Variants in NEB observed in about 807,000 individuals in gnomAD.
The protein encoded by NEB is nemaline myopathy type 2.
A neutral mutation model predicts 952.2 loss-of-function variants in NEB; 512 were observed. That is an observed-to-expected ratio of 0.54 (90% confidence interval 0.50 to 0.58). The LOEUF (loss-of-function observed/expected upper bound fraction) is 0.58. NEB is among the 20% of genes least tolerant of loss of function. The pLI, the probability that NEB is intolerant of heterozygous loss-of-function variation, is 0.00. For synonymous variants in NEB, 2,900 were observed against 3,149.8 expected (o/e 0.92, Z 2.66); for missense variants, 8,428 against 9,231.1 (o/e 0.91, Z 3.56).
chr2:151,527,453 A>G, intron 147 of NEB, 28 bp downstream of exon 147: 7 of 1,512,738 alleles, frequency 4.6e-6, no homozygotes, highest in Non-Finnish European at 6.4e-6. Context: ...GTATGCAGTT[A>G]CAATCGTCTG....
At chr2:151,594,981 T>C (rs1341280481) in intron 92 of NEB, among the ~76,000 whole-genome samples, 1 of 24,996 alleles carries the variant, frequency 4.0e-5, no homozygotes, top group African/African-American at 2.7e-4. Flanking sequence ...TTCCATCTGA[T>C]GAGTGTCTCA....
chr2:151,722,301 G>A (rs1490699546), intron 9 of NEB, among the ~76,000 whole-genome samples: 2 of 152,164 alleles, frequency 1.3e-5, no homozygotes, highest in African/African-American at 4.8e-5. Context: ...CTCAAAATAA[G>A]GGAGAGTGTT....
intron 67 of NEB, among the ~76,000 whole-genome samples, chr2:151,629,989 T>A (rs2098629832): frequency 6.6e-6 from 1 of 151,926 alleles, no homozygotes; most frequent in African/African-American, 2.4e-5. Context: ...AATCCAAACA[T>A]ACCACTAAGT....
chr2:151,499,725 G>C (rs1026584647), intron 168 of NEB, among the ~76,000 whole-genome samples: 19 of 152,186 alleles, frequency 1.2e-4, no homozygotes, highest in Non-Finnish European at 2.6e-4. Flanking sequence ...AGATTAGCAA[G>C]TATTTATTTT....
At chr2:151,670,415 G>T (rs2154188737) in intron 38 of NEB, among the ~76,000 whole-genome samples, 1 of 144,522 alleles carries the variant, frequency 6.9e-6, no homozygotes, top group Non-Finnish European at 1.5e-5. Context: ...CTGACAGAAA[G>T]AATAAGAGTC....
At position 151,503,724 on chromosome 2, in the gene NEB, T is replaced by G. The variant is rs116897114; in HGVS notation, c.23743-283A>C. 2.3e-3 allele frequency among the ~76,000 whole-genome samples: 352 copies of G among 152,268 alleles called. 9 individuals are homozygous for G. In the East Asian group the frequency reaches 0.046, roughly 20 times the overall value. ...TAAATAAATTTACCAATGAGAAAAA[T>G]CTAACCATTTTGTTGCATCTAGCTT... On this transcript the variant is annotated intron_variant, in intron 165 of 181. Transcript: ENST00000397345.
chr2:151,535,791 T>G lies in NEB; in HGVS notation c.21212A>C (p.Lys7071Thr). ...EKNKTLYSKY[K>T]YKEVFERTKS... The stretch of plus-strand genomic sequence containing the variant: ...TGTCCTTTCAAATACTTCTTTATAC[T>G]TATACTAGAAAAAACAGAACATGGT... Residue 7071 changes from lysine (K) to threonine (T), a missense_variant, in exon 142 of 182, where the codon AAG (lysine) becomes ACG (threonine). Physicochemically the swap from Lys to Thr is moderately conservative, Grantham distance 78 (BLOSUM62 -1). Transcript: ENST00000397345. 2.6e-6 allele frequency: 4 copies of G among 1,567,626 alleles called. No individual in the cohort carries two copies. Among genetic ancestry groups the G allele is most frequent in the Middle Eastern group, 1.7e-4 (1 of 5,960 alleles).
At chr2:151,540,241 A>G (rs1266421785) in intron 138 of NEB, 103 bp downstream of exon 138, 4 of 618,928 alleles carry the variant, frequency 6.5e-6, no homozygotes, top group Non-Finnish European at 1.0e-5. Context: ...TTCCTAGGCC[A>G]TGGTTTAGAA....
rs1576714550 is a variant in NEB at position 151,697,553 on chromosome 2, G to A, written c.1248C>T (p.Phe416=). Residue 416 remains phenylalanine, a synonymous_variant, in exon 14 of 182, where the codon TTC becomes TTT. Transcript: ENST00000397345. ...KFKLDTVLQN[F]SSDKKYKDSY... is the part of the protein sequence containing the mutation. ...CAGTAGGATTGCTTACATCACTACT[G>A]AAGTTCTGCAGAACAGTATCGAGCT... The A allele has an allele frequency of 6.2e-7, 1 of 1,612,132 alleles. No individual in the cohort carries two copies. Among genetic ancestry groups the A allele is most frequent in the Non-Finnish European group, 8.5e-7 (1 of 1,179,300 alleles).
chr2:151,670,926 A>C, intron 38 of NEB, 97 bp downstream of exon 38: 1 of 1,261,214 alleles, frequency 7.9e-7, no homozygotes, highest in Non-Finnish European at 1.1e-6. Context: ...TTGCTAACAT[A>C]GATGCATCCT....
intron 143 of NEB, among the ~76,000 whole-genome samples, chr2:151,532,874 G>A (rs1235940031): frequency 6.6e-6 from 1 of 151,922 alleles, no homozygotes; most frequent in African/African-American, 2.4e-5. Flanking sequence ...TGCTTCAGTT[G>A]GCCTTCTAAA....
At chr2:151,527,106 C>T in intron 147 of NEB, 84 bp from the exon 148 acceptor site, 1 of 874,556 alleles carries the variant, frequency 1.1e-6, no homozygotes, top group Non-Finnish European at 1.8e-6. Flanking sequence ...ACAGGGAGTC[C>T]TCTTAAGGAG....
At chr2:151,692,842 T>C (rs2099569444) in intron 20 of NEB, among the ~76,000 whole-genome samples, 2 of 152,074 alleles carry the variant, frequency 1.3e-5, no homozygotes, top group Admixed American at 1.3e-4. Flanking sequence ...TGATGGCACA[T>C]GTCTGTAATC....
chr2:151,650,959 C>CT, intron 52 of NEB, 74 bp from the exon 53 acceptor site: 1 of 1,379,892 alleles, frequency 7.2e-7, no homozygotes, highest in Non-Finnish European at 9.8e-7. Context: ...TTTTTCTTTT[C>CT]TTTCTTTCTT....
chr2:151,690,946 C>T lies in NEB; in HGVS notation c.2212-121G>A, dbSNP rs886258434. ...TTTGTTCCTGAAAACTTAGTTGATG[C>T]GTTTATATTCTCACTTCTCTGTCTG... is the stretch of plus-strand genomic sequence containing the variant. On this transcript the variant is annotated intron_variant, in intron 23 of 181. Coordinates refer to ENST00000397345, the MANE Select transcript of NEB (RefSeq NM_001164508.2). 11 of 689,152 alleles carry T rather than the reference C, an allele frequency of 1.6e-5. 1 individual carries two copies. Among genetic ancestry groups the T allele is most frequent in the Admixed American group, 8.6e-5 (4 of 46,292 alleles). The allele number at this position is 689,152 out of a possible 1,614,324, so 42.7% of individuals were successfully genotyped here. A position where few individuals can be genotyped will look rare whatever the true frequency, so the allele number is the denominator to read the frequency against.
At chr2:151,489,899 A>C (rs2054771459) in intron 181 of NEB, 72 bp downstream of exon 181, 1 of 1,196,690 alleles carries the variant, frequency 8.4e-7, no homozygotes, top group Admixed American at 1.7e-5. Context: ...CGTAATACCT[A>C]ATACTTATAA....
chr2:151,527,060 A>G (rs1334671077), intron 147 of NEB, 38 bp from the exon 148 acceptor site: 2 of 1,376,130 alleles, frequency 1.5e-6, no homozygotes, highest in African/African-American at 2.9e-5. Context: ...GGGAAGGGTG[A>G]CAGCACAGGA....
rs773748212 is a variant in NEB, at chr2:151,619,484, AATG to A, written c.10836_10838del (p.Ile3613del). 1.1e-5 allele frequency: 18 copies of A among 1,611,708 alleles called. No individual in the cohort carries two copies. The South Asian group carries it at 2.0e-4, about 18-fold the overall frequency. The stretch of plus-strand genomic sequence containing the variant: ...GGAGGTCATAGGCTTTCCGTGCATG[AATG>A]ATGTCATTCTGGTCGGGCAGGCAGA... On this transcript the variant is annotated inframe_deletion, in exon 73 of 182. Transcript: ENST00000397345.
chr2:151,499,885 C>T (rs2153034541), intron 168 of NEB, among the ~76,000 whole-genome samples: 1 of 152,244 alleles, frequency 6.6e-6, no homozygotes, highest in Admixed American at 6.5e-5. Context: ...CTATTTTCCA[C>T]AGTATCTAAT....
Sources: gnomAD v4.1 joint callset for allele counts (sites outside exome capture counted in the v4.1 genomes callset) on GRCh38, gnomAD v4.1.1 for gene constraint, MANE v1.5 for transcripts, NCBI Gene and HGNC (gene_info 2026-07-23, HGNC 2026-07-21) for gene names.